Variants in LRBA observed in about 807,000 individuals in gnomAD.
The protein encoded by LRBA is lipopolysaccharide-responsive and beige-like anchor protein.
A neutral mutation model predicts 330.0 loss-of-function variants in LRBA; 176 were observed. The observed-to-expected ratio is 0.53, with a 90% CI of 0.47 to 0.60. The LOEUF is 0.60. Among genes scored for constraint, LRBA ranks in the 20% least tolerant of loss-of-function variants. LRBA has a pLI of 0.00. For missense variants in LRBA, 3,259 were observed against 3,444.8 expected (o/e 0.95, Z 1.35); for synonymous variants, 1,230 against 1,193.0 (o/e 1.03, Z -0.64).
At chr4:150,563,532 AGGGCAATC>A (rs1768664875) in intron 40 of LRBA, among the ~76,000 whole-genome samples, 1 of 152,186 alleles carries the variant, frequency 6.6e-6, no homozygotes, top group Non-Finnish European at 1.5e-5. Flanking sequence ...AGTTCTGGCC[AGGGCAATC>A]AGGCAAGAGA....
intron 37 of LRBA, among the ~76,000 whole-genome samples, chr4:150,676,820 A>G (rs1243763758): frequency 6.6e-6 from 1 of 152,200 alleles, no homozygotes; most frequent in Admixed American, 6.5e-5. Flanking sequence ...TACAACTTCT[A>G]GTTATCTGCT....
chr4:151,015,357 G>A (rs1028749236), upstream of LRBA: 1 of 152,700 alleles, frequency 6.5e-6, no homozygotes, highest in African/African-American at 2.4e-5. Flanking sequence ...TCAGGCACCT[G>A]AGATTCGACG....
At chr4:150,909,844 A>C (rs528864004) in intron 9 of LRBA, among the ~76,000 whole-genome samples, 316 of 152,212 alleles carry the variant, frequency 2.1e-3, no homozygotes, top group Non-Finnish European at 2.9e-3. Context: ...TTCTTTTTTA[A>C]GTAGTCATCC....
chr4:150,955,685 A>G (rs774777203), intron 2 of LRBA, among the ~76,000 whole-genome samples: 5 of 148,738 alleles, frequency 3.4e-5, no homozygotes. Context: ...TGAGGTCAGG[A>G]GTTCAAGACC....
chr4:150,489,808 C>T (rs1221892980), intron 41 of LRBA, among the ~76,000 whole-genome samples: 2 of 141,572 alleles, frequency 1.4e-5, no homozygotes, highest in Non-Finnish European at 3.1e-5. Context: ...GATAAGCCTC[C>T]TTTACATATC....
At chr4:150,813,198 G>T (rs13117872) in intron 31 of LRBA, among the ~76,000 whole-genome samples, 19 of 146,732 alleles carry the variant, frequency 1.3e-4, no homozygotes, top group Non-Finnish European at 2.4e-4. Flanking sequence ...AGAAAGAAAA[G>T]AAAAAAGAAA....
At chr4:150,906,023 A>G (rs1560987323) in intron 12 of LRBA, 33 bp from the exon 13 acceptor site, 1 of 1,598,106 alleles carries the variant, frequency 6.3e-7, no homozygotes, top group East Asian at 2.2e-5. Context: ...GTTACCACAA[A>G]TTCAAGTCAA....
intron 2 of LRBA, among the ~76,000 whole-genome samples, chr4:151,009,850 C>T (rs903267460): frequency 6.6e-6 from 1 of 151,646 alleles, no homozygotes; most frequent in Non-Finnish European, 1.5e-5. Context: ...CGTGGTGGCA[C>T]GTGCCTGTAG....
At chr4:150,614,615 G>A (rs566575676) in intron 37 of LRBA, among the ~76,000 whole-genome samples, 17 of 152,296 alleles carry the variant, frequency 1.1e-4, no homozygotes, top group African/African-American at 4.1e-4. Flanking sequence ...TCCAAACCAT[G>A]TGATGTACAA....
Position 150,817,183 on chromosome 4 carries a change from A to C in LRBA, c.5246T>G (p.Val1749Gly), listed in dbSNP as rs1287944833. ...TGAATCTACTGAGGAAACCACACTG[A>C]CAGCATTGGTAGGTATGCTTGTATT... ...TFNTSIPTNA[V>G]SVVSSVDSAQ... Residue 1749 changes from valine to glycine, a missense_variant, in exon 31 of 57, where the codon GTC becomes GGC. Coordinates refer to ENST00000651943, the MANE Select transcript of LRBA (RefSeq NM_001364905.1). The C allele has an allele frequency of 6.2e-7, 1 of 1,612,052 alleles. No homozygotes were observed. The highest frequency in any genetic ancestry group is 1.7e-5 in the Admixed American group (1 of 59,888).
chr4:150,871,837 A>AT (rs1433140464), intron 18 of LRBA, among the ~76,000 whole-genome samples: 1 of 152,182 alleles, frequency 6.6e-6, no homozygotes, highest in Non-Finnish European at 1.5e-5. Flanking sequence ...TAGAAAAACA[A>AT]TGTGGAGAAA....
intron 46 of LRBA, among the ~76,000 whole-genome samples, chr4:150,416,805 G>A (rs1480712247): frequency 6.6e-6 from 1 of 151,986 alleles, no homozygotes; most frequent in Non-Finnish European, 1.5e-5. Flanking sequence ...TATCCAATTT[G>A]TCTGAGCTAA....
At chr4:150,401,642 G>C (rs913757904) in intron 47 of LRBA, among the ~76,000 whole-genome samples, 2 of 151,986 alleles carry the variant, frequency 1.3e-5, no homozygotes, top group Non-Finnish European at 2.9e-5. Context: ...AATATTACAT[G>C]TTATATATCA....
chr4:150,350,526 C>T (rs1051640976), intron 47 of LRBA, among the ~76,000 whole-genome samples: 1 of 150,452 alleles, frequency 6.6e-6, no homozygotes. Flanking sequence ...ACCGAGATCA[C>T]GCCACTTCAC....
chr4:150,581,501 G>A (rs1257154101), intron 40 of LRBA: 7 of 270,136 alleles, frequency 2.6e-5, no homozygotes, highest in Non-Finnish European at 5.2e-5. Context: ...AAGTAATTTT[G>A]TTACAGTTTG....
At chr4:150,678,021 T>C (rs932264931) in intron 37 of LRBA, among the ~76,000 whole-genome samples, 1 of 151,672 alleles carries the variant, frequency 6.6e-6, no homozygotes, top group African/African-American at 2.4e-5. Flanking sequence ...GGGCAGATAA[T>C]TTGAGGTCAG....
At chr4:150,329,905 T>A (rs1344773713) in intron 48 of LRBA, among the ~76,000 whole-genome samples, 3 of 152,200 alleles carry the variant, frequency 2.0e-5, no homozygotes, top group Admixed American at 6.6e-5. Flanking sequence ...ATCACTCCTT[T>A]CTGAATCTAG....
chr4:150,850,724 C>T lies in LRBA; in HGVS notation c.4004G>A (p.Ser1335Asn). The T allele has an allele frequency of 6.3e-7, 1 of 1,599,552 alleles. No individual in the cohort carries two copies. The highest frequency in any genetic ancestry group is 8.6e-7 in the Non-Finnish European group (1 of 1,169,578). ...SIETDIQMWR[S>N]HSTKTVMDFV... The stretch of plus-strand genomic sequence containing the variant: ...TTCCATAATAAACATATAGACAAAC[C>T]TTCTCCACATCTGTATATCTGTTTC... The change falls in exon 24 of 57, where the codon AGC becomes AAC. Residue 1335 changes from serine (S) to asparagine (N), a missense_variant and splice_region_variant. Coordinates refer to ENST00000651943, the MANE Select transcript of LRBA (RefSeq NM_001364905.1).
At chr4:150,503,520 A>G (rs1760596057) in intron 40 of LRBA, among the ~76,000 whole-genome samples, 1 of 152,186 alleles carries the variant, frequency 6.6e-6, no homozygotes, top group Admixed American at 6.5e-5. Flanking sequence ...AACTCTCTGC[A>G]GCTGAGAGTC....
Sources: allele counts gnomAD v4.1 joint callset (sites outside exome capture counted in the v4.1 genomes callset), GRCh38; gene constraint gnomAD v4.1.1; transcripts MANE v1.5; gene names NCBI Gene and HGNC (gene_info 2026-07-23, HGNC 2026-07-21).